The following AMPH variants were observed in gnomAD, a reference collection of about 807,000 sequenced individuals.
AMPH encodes the protein amphiphysin (Stiff-Mann syndrome with breast cancer 128kD autoantigen).
Under a neutral mutation model 99.1 loss-of-function variants are expected in AMPH, and 49 were observed. The ratio of observed to expected loss-of-function variants is 0.49; its 90% CI spans 0.39 to 0.63. AMPH has a LOEUF of 0.63. Among genes scored for constraint, AMPH ranks in the 20% least tolerant of loss-of-function variants. AMPH has a pLI of 0.00. For missense variants in AMPH, 759 were observed against 863.4 expected (o/e 0.88, Z 1.52); for synonymous variants, 314 against 317.3 (o/e 0.99, Z 0.11).
chr7:38,437,332 A>G (rs1786307661), intron 11 of AMPH, among the ~76,000 whole-genome samples: 1 of 152,178 alleles, frequency 6.6e-6, no homozygotes. Flanking sequence ...AGCATTCAAT[A>G]TAAAATTCTT....
At chr7:38,604,065 C>T (rs970241722) in intron 1 of AMPH, among the ~76,000 whole-genome samples, 2 of 152,136 alleles carry the variant, frequency 1.3e-5, no homozygotes, top group Non-Finnish European at 2.9e-5. Context: ...GAGAGAATTT[C>T]CAGGAAGCTT....
At chr7:38,476,768 T>A (rs1788100300) in intron 6 of AMPH, 94 bp downstream of exon 6, 1 of 805,358 alleles carries the variant, frequency 1.2e-6, no homozygotes, top group East Asian at 2.5e-5. Context: ...GATTCCAATC[T>A]CCTTTTATAG....
chr7:38,523,243 T>C (rs1790042422), intron 2 of AMPH, among the ~76,000 whole-genome samples: 1 of 152,030 alleles, frequency 6.6e-6, no homozygotes, highest in African/African-American at 2.4e-5. Flanking sequence ...ATACACGTGT[T>C]GTGTGTGTGT....
intron 10 of AMPH, among the ~76,000 whole-genome samples, chr7:38,462,735 T>C (rs1442196886): frequency 2.0e-5 from 3 of 152,150 alleles, no homozygotes; most frequent in Non-Finnish European, 4.4e-5. Flanking sequence ...CGCCTGAGCA[T>C]GCCGAGAACG....
At chr7:38,536,375 T>C (rs1442343770) in intron 1 of AMPH, among the ~76,000 whole-genome samples, 2 of 152,214 alleles carry the variant, frequency 1.3e-5, no homozygotes, top group Non-Finnish European at 2.9e-5. Flanking sequence ...CCAAGATACA[T>C]TTATAATGTT....
chr7:38,526,145 TG>T (rs1419002066), intron 2 of AMPH, among the ~76,000 whole-genome samples: 1 of 152,208 alleles, frequency 6.6e-6, no homozygotes, highest in African/African-American at 2.4e-5. Flanking sequence ...GAGAGATGGA[TG>T]GTGATTTCTT....
At chr7:38,413,896 C>T (rs1785288792) in intron 17 of AMPH, among the ~76,000 whole-genome samples, 1 of 152,166 alleles carries the variant, frequency 6.6e-6, no homozygotes, top group Non-Finnish European at 1.5e-5. Flanking sequence ...CTCATGTTTA[C>T]TCTGCAAAAG....
At chr7:38,568,575 C>T (rs1791829736) in intron 1 of AMPH, among the ~76,000 whole-genome samples, 1 of 152,222 alleles carries the variant, frequency 6.6e-6, no homozygotes, top group African/African-American at 2.4e-5. Context: ...GGCTGCTGAA[C>T]TGGTGAAGAG....
Position 38,432,201 on chromosome 7 carries a change from C to A in AMPH, c.1146G>T (p.Trp382Cys). Residue 382 changes from tryptophan to cysteine, a missense_variant, in exon 13 of 21, where the codon TGG (tryptophan) becomes TGT (cysteine). Physicochemically the swap from Trp to Cys is radical, Grantham distance 215 (BLOSUM62 -2). Around this residue, in one of 2 missense-constraint regions of AMPH, gnomAD observed 554 missense variants for 575.6 expected, o/e 0.96. Coordinates refer to ENST00000356264, the MANE Select transcript of AMPH (RefSeq NM_001635.4). Reference sequence around the variant, plus strand: ...ATTAGTGGCTTACCGTCCATAGGTCCCAGGGCAATGTCTGAAAGCAAATAA... The same window carrying A: ...ATTAGTGGCTTACCGTCCATAGGTCACAGGGCAATGTCTGAAAGCAAATAA... ...THSPMSQTLP[W>C]DLWTTSTDLV... is the part of the protein sequence containing the mutation. 6.2e-7 allele frequency: 1 copy of A among 1,612,844 alleles called. No individual in the cohort carries two copies. The highest frequency in any genetic ancestry group is 1.3e-5 in the African/African-American group (1 of 74,972).
intron 1 of AMPH, among the ~76,000 whole-genome samples, chr7:38,629,714 G>A (rs746951439): frequency 3.6e-4 from 55 of 152,164 alleles, no homozygotes; most frequent in Non-Finnish European, 2.9e-4. Context: ...GGCAGGAGGA[G>A]GAGTACCTAC....
Position 38,631,347 on chromosome 7 carries a change from G to A in AMPH, c.5C>T (p.Ala2Val). M[A>V]DIKTGIFAKN... ...GGCGAAGATGCCCGTCTTGATGTCG[G>A]CCATGGCTGCGGGTCCGGGGAGCTG... The change falls in exon 1 of 21, where the codon GCC becomes GTC. Residue 2 changes from alanine (A) to valine (V), a missense_variant. This residue lies in a region of AMPH where 205 missense variants were observed against 287.9 expected (regional missense o/e 0.71). Coordinates refer to ENST00000356264, the MANE Select transcript of AMPH (RefSeq NM_001635.4). The A allele has an allele frequency of 6.4e-7, 1 of 1,552,634 alleles. No homozygotes were observed. The highest frequency in any genetic ancestry group is 8.7e-7 in the Non-Finnish European group (1 of 1,150,548).
intron 12 of AMPH, among the ~76,000 whole-genome samples, chr7:38,432,724 C>T (rs139698068): frequency 6.6e-4 from 100 of 152,230 alleles, no homozygotes; most frequent in Non-Finnish European, 1.1e-3. Flanking sequence ...TCCTTCCCAT[C>T]TCATTCAAGA....
chr7:38,436,140 C>G, intron 12 of AMPH, 132 bp downstream of exon 12: 1 of 670,444 alleles, frequency 1.5e-6, no homozygotes, highest in Non-Finnish European at 2.6e-6. Flanking sequence ...CCCCTCTTTC[C>G]TATTAGGAAA....
At chr7:38,542,969 C>T (rs1180352016) in intron 1 of AMPH, among the ~76,000 whole-genome samples, 2 of 151,980 alleles carry the variant, frequency 1.3e-5, no homozygotes, top group African/African-American at 4.8e-5. Context: ...TGGTGCACGC[C>T]TATAGTCCCA....
intron 1 of AMPH, among the ~76,000 whole-genome samples, chr7:38,582,538 A>G (rs774038046): frequency 1.3e-5 from 2 of 152,244 alleles, no homozygotes; most frequent in African/African-American, 2.4e-5. Context: ...TGACATATAG[A>G]TGACATCCTG....
rs1471731834 is a variant in AMPH, at chr7:38,628,858, G to GA, written c.69+2424dup. Among the ~76,000 whole-genome samples, 3 of 152,032 alleles carry GA rather than the reference G, an allele frequency of 2.0e-5. No homozygotes were observed. In the East Asian group the frequency reaches 5.8e-4, roughly 29 times the overall value. Reference sequence around the variant, plus strand: ...ATGAATCTTCACTGACTTTCAGTAAGAAAAAAACGTATTTAAAATTCCTAA... The same window carrying GA: ...ATGAATCTTCACTGACTTTCAGTAAGAAAAAAAACGTATTTAAAATTCCTAA... On this transcript the variant is annotated intron_variant, in intron 1 of 20. Coordinates refer to ENST00000356264, the MANE Select transcript of AMPH (RefSeq NM_001635.4).
chr7:38,430,418 T>G (rs1379970205), intron 13 of AMPH, among the ~76,000 whole-genome samples: 4 of 152,058 alleles, frequency 2.6e-5, no homozygotes, highest in Non-Finnish European at 5.9e-5. Flanking sequence ...TGAAAAAATC[T>G]TGCAAAGTTG....
intron 1 of AMPH, among the ~76,000 whole-genome samples, chr7:38,567,509 A>G (rs577532139): frequency 2.4e-4 from 36 of 152,308 alleles, no homozygotes; most frequent in African/African-American, 7.7e-4. Flanking sequence ...CACATTGTGC[A>G]CATGTACCCT....
At chr7:38,548,141 G>C (rs901372166) in intron 1 of AMPH, among the ~76,000 whole-genome samples, 3 of 150,940 alleles carry the variant, frequency 2.0e-5, no homozygotes, top group African/African-American at 7.3e-5. Context: ...CCATTCTCCT[G>C]CCTCAGCCTC....
Sources: gnomAD v4.1 joint callset for allele counts (sites outside exome capture counted in the v4.1 genomes callset) on GRCh38, gnomAD v4.1.1 for gene constraint, gnomAD v4.1.1 regional missense constraint, MANE v1.5 for transcripts, NCBI Gene and HGNC (gene_info 2026-07-23, HGNC 2026-07-21) for gene names.